Variants in TRAPPC10 observed in about 807,000 individuals in gnomAD.
TRAPPC10 encodes TRAPP 130 kDa subunit.
Under a neutral mutation model 125.5 loss-of-function variants are expected in TRAPPC10, and 23 were observed. That is an observed-to-expected ratio of 0.18 (90% CI 0.13 to 0.26). TRAPPC10 has a LOEUF of 0.26. Among genes scored for constraint, TRAPPC10 ranks in the 10% least tolerant of loss-of-function variants. The pLI is 1.00. For missense variants in TRAPPC10, 1,123 were observed against 1,308.4 expected (o/e 0.86, Z 2.19); for synonymous variants, 509 against 518.0 (o/e 0.98, Z 0.24).
intron 15 of TRAPPC10, among the ~76,000 whole-genome samples, chr21:44,084,729 C>A (rs576898478): frequency 2.0e-5 from 3 of 152,190 alleles, no homozygotes; most frequent in Admixed American, 2.0e-4. Flanking sequence ...ACAGTCCCCC[C>A]CTTCCCATGC....
In TRAPPC10 at chr21:44,089,845, T is replaced by A. The variant is rs2038452747; in HGVS notation, c.2782T>A (p.Cys928Ser). Residue 928 changes from cysteine to serine, a missense_variant, in exon 18 of 23, where the codon TGC (cysteine) becomes AGC (serine). Cys to Ser is a moderately radical substitution (Grantham distance 112, BLOSUM62 -1). Transcript: ENST00000291574. ...VTTDHKVSID[C>S]PWSIYSTVIA... ...GCTTCCTCCTCAGGTGTCGATTGAC[T>A]GCCCGTGGTCCATCTACTCCACAGT... 8 of 1,613,802 alleles carry A rather than the reference T, an allele frequency of 5.0e-6. No individual in the cohort carries two copies. Among genetic ancestry groups the A allele is most frequent in the Non-Finnish European group, 6.8e-6 (8 of 1,179,770 alleles).
chr21:44,093,234 G>A (rs912569875), intron 19 of TRAPPC10, among the ~76,000 whole-genome samples: 4 of 152,112 alleles, frequency 2.6e-5, no homozygotes, highest in Non-Finnish European at 5.9e-5. Context: ...CCAGATGGGT[G>A]GATCACTTGA....
rs760537274 is a variant in TRAPPC10, at chr21:44,063,334, C to T, written c.791-204C>T. Among the ~76,000 whole-genome samples, 9 of 152,176 alleles carry T rather than the reference C, an allele frequency of 5.9e-5. No homozygotes were observed. The highest frequency in any genetic ancestry group is 2.0e-4 in the Admixed American group (3 of 15,280). On this transcript the variant is annotated intron_variant, in intron 6 of 22. Transcript: ENST00000291574. This position sits in a 1 kb window ranked among gnomAD's most constrained non-coding sequence, Gnocchi z 4.4. ...TTTCTGGGCATGGTAGGGTGGTGTGCCTTGTTGCCTGGGTCACGTTACCCT... is the reference window on the plus strand; with the variant it reads ...TTTCTGGGCATGGTAGGGTGGTGTGTCTTGTTGCCTGGGTCACGTTACCCT...
intron 2 of TRAPPC10, among the ~76,000 whole-genome samples, chr21:44,032,532 G>A (rs1420173536): frequency 6.6e-6 from 1 of 152,018 alleles, no homozygotes; most frequent in Non-Finnish European, 1.5e-5. Context: ...ACAGGTGTGC[G>A]CTACCGCACC....
intron 3 of TRAPPC10, chr21:44,046,971 C>T (rs1054053292): frequency 1.6e-5 from 13 of 834,622 alleles, no homozygotes; most frequent in South Asian, 2.7e-5. Flanking sequence ...AACTGCAAGC[C>T]GGCTCTGCGA....
rs548859735 is a variant in TRAPPC10, at chr21:44,012,652, C to T, written c.67+92C>T. ...CCGGCGCCCCCAGACCTTCAGCCCCCGGCGCGCTCCGGGCTGGGCCGCTTC... is the reference window on the plus strand; with the variant it reads ...CCGGCGCCCCCAGACCTTCAGCCCCTGGCGCGCTCCGGGCTGGGCCGCTTC... On this transcript the variant is annotated intron_variant, in intron 1 of 22. Transcript: ENST00000291574. 6.4e-5 allele frequency: 74 copies of T among 1,158,552 alleles called. No homozygotes were observed. In the East Asian group the frequency reaches 1.8e-3, roughly 28 times the overall value. The allele number at this position is 1,158,552 out of a possible 1,614,324, so 71.8% of individuals were successfully genotyped here.
rs768938378 is a variant in TRAPPC10 at position 44,052,320 on chromosome 21, C to G, written c.326C>G (p.Thr109Ser). ...VYKATVKDDL[T>S]KWQNVLKAHS... ...AAAGCTACAGTAAAAGATGACCTCA[C>G]CAAGTGGCAGAATGTTCTGAAGGCT... Residue 109 changes from threonine to serine, a missense_variant, in exon 4 of 23, where the codon ACC (threonine) becomes AGC (serine). Transcript: ENST00000291574. 1 of 1,607,040 alleles carries G rather than the reference C, an allele frequency of 6.2e-7. No individual in the cohort carries two copies. Among genetic ancestry groups the G allele is most frequent in the Non-Finnish European group, 8.5e-7 (1 of 1,178,250 alleles).
At chr21:44,030,858 T>C (rs561919217) in intron 1 of TRAPPC10, among the ~76,000 whole-genome samples, 11 of 152,340 alleles carry the variant, frequency 7.2e-5, no homozygotes, top group Admixed American at 3.9e-4. Flanking sequence ...TAACAAAATG[T>C]AGTAATAGTC....
At chr21:44,042,001 G>A (rs1210348415) in intron 3 of TRAPPC10, among the ~76,000 whole-genome samples, 4 of 152,026 alleles carry the variant, frequency 2.6e-5, no homozygotes, top group African/African-American at 7.2e-5. Context: ...CATGAACCAC[G>A]GCGCCCAGCC....
In TRAPPC10 at chr21:44,032,754, T is replaced by C. The variant is rs571861453; in HGVS notation, c.149+582T>C. ...TTATTTTGAGTTAAAGACTCACTTTTATAGGAATGATCTGTGATTCTTCAT... is the reference window on the plus strand; with the variant it reads ...TTATTTTGAGTTAAAGACTCACTTTCATAGGAATGATCTGTGATTCTTCAT... On this transcript the variant is annotated intron_variant, in intron 2 of 22. Transcript: ENST00000291574. 9.8e-5 allele frequency among the ~76,000 whole-genome samples: 15 copies of C among 152,342 alleles called. No homozygotes were observed. In the East Asian group the frequency reaches 2.5e-3, roughly 25 times the overall value.
In TRAPPC10 at chr21:44,083,088, A is replaced by G; in HGVS notation, c.2024A>G (p.Glu675Gly). The G allele has an allele frequency of 1.2e-6, 2 of 1,613,892 alleles. No homozygotes were observed. The highest frequency in any genetic ancestry group is 2.2e-5 in the East Asian group (1 of 44,864). Reference protein sequence around the residue: ...PVSQNSLPALELYEMFERSPS... With the variant: ...PVSQNSLPALGLYEMFERSPS... ...TCCCAAAACAGTTTGCCCGCGCTGG[A>G]GTTGTATGAAATGTTTGAGAGAAGC... Residue 675 changes from glutamate (E) to glycine (G), a missense_variant, in exon 14 of 23, where the codon GAG (glutamate) becomes GGG (glycine). Glu to Gly is a moderately conservative substitution (Grantham distance 98, BLOSUM62 -2). Around this residue, in one of 4 missense-constraint regions of TRAPPC10, gnomAD observed 840 missense variants for 902.0 expected, o/e 0.93. Coordinates refer to ENST00000291574, the MANE Select transcript of TRAPPC10 (RefSeq NM_003274.5).
rs1022662480 is a variant in TRAPPC10 at position 44,082,926 on chromosome 21, A to G, written c.1862A>G (p.His621Arg). 3.1e-6 allele frequency: 5 copies of G among 1,614,022 alleles called. No individual in the cohort carries two copies. The highest frequency in any genetic ancestry group is 1.1e-5 in the South Asian group (1 of 91,078). Residue 621 changes from histidine (H) to arginine (R), a missense_variant, in exon 14 of 23, where the codon CAC becomes CGC. Coordinates refer to ENST00000291574, the MANE Select transcript of TRAPPC10 (RefSeq NM_003274.5). This position sits in a 1 kb window ranked among gnomAD's most constrained non-coding sequence, Gnocchi z 4.4. The part of the protein sequence containing the change: ...TMYSQMPVPV[H>R]VEQIVVNVHF... ...TACAGCCAGATGCCTGTGCCTGTTC[A>G]CGTGGAGCAGATTGTGGTCAATGTC...
At chr21:44,049,353 G>T (rs1484773057) in intron 3 of TRAPPC10, among the ~76,000 whole-genome samples, 1 of 152,146 alleles carries the variant, frequency 6.6e-6, no homozygotes, top group African/African-American at 2.4e-5. Context: ...GTTCTCCTCT[G>T]TGTTTCTGAT....
intron 1 of TRAPPC10, among the ~76,000 whole-genome samples, chr21:44,019,327 G>T (rs769275142): frequency 6.6e-6 from 1 of 152,218 alleles, no homozygotes; most frequent in Non-Finnish European, 1.5e-5. Flanking sequence ...TGGGATTACA[G>T]GCATAAGCCA....
intron 1 of TRAPPC10, among the ~76,000 whole-genome samples, chr21:44,028,914 G>A (rs979711271): frequency 6.6e-6 from 1 of 152,144 alleles, no homozygotes; most frequent in Admixed American, 6.5e-5. Flanking sequence ...TGAAAATTTA[G>A]CCTGGAACGT....
In TRAPPC10 at chr21:44,063,500, C is replaced by CCTG. The variant is rs750370436; in HGVS notation, c.791-36_791-34dup. On this transcript the variant is annotated intron_variant, in intron 6 of 22. Transcript: ENST00000291574. The surrounding 1 kb of genome is among the most constrained non-coding windows in gnomAD (Gnocchi z 4.4). Reference sequence around the variant, plus strand: ...GCAGGAAGCTCAGGAAGGTGAAGTACCTGCAATCAGCACCTTTCATGATGT... The same window carrying CCTG: ...GCAGGAAGCTCAGGAAGGTGAAGTACCTGCTGCAATCAGCACCTTTCATGATGT... The CCTG allele has an allele frequency of 2.9e-5, 46 of 1,604,010 alleles. No individual in the cohort carries two copies. The highest frequency in any genetic ancestry group is 3.7e-5 in the Non-Finnish European group (43 of 1,173,864).
At chr21:44,058,709 G>A (rs1471400170) in intron 5 of TRAPPC10, among the ~76,000 whole-genome samples, 1 of 152,214 alleles carries the variant, frequency 6.6e-6, no homozygotes, top group East Asian at 1.9e-4. Context: ...AGACAGGGAA[G>A]TCCAAGGGCG....
intron 9 of TRAPPC10, 78 bp downstream of exon 9, chr21:44,075,231 C>A: frequency 9.2e-7 from 1 of 1,084,360 alleles, no homozygotes; most frequent in Non-Finnish European, 1.4e-6. Flanking sequence ...GCACATTTAA[C>A]CGAAGTTCTA....
chr21:44,044,102 A>C (rs2034604685), intron 3 of TRAPPC10, among the ~76,000 whole-genome samples: 1 of 152,236 alleles, frequency 6.6e-6, no homozygotes, highest in South Asian at 2.1e-4. Context: ...AGGCATTTTG[A>C]TTGGGATTGC....
Sources: gnomAD v4.1 joint callset for allele counts (sites outside exome capture counted in the v4.1 genomes callset) on GRCh38, gnomAD v4.1.1 for gene constraint, gnomAD v4.1.1 regional missense constraint, Gnocchi (gnomAD v3.1) non-coding constraint, MANE v1.5 for transcripts, NCBI Gene and HGNC (gene_info 2026-07-23, HGNC 2026-07-21) for gene names.